Variants in PANK2 observed in about 807,000 individuals in gnomAD.
PANK2 encodes pantothenate kinase 2.
PANK2 carries 36 observed loss-of-function variants against 43.1 expected under a neutral mutation model. The ratio of observed to expected loss-of-function variants is 0.84; its 90% CI spans 0.64 to 1.10. The LOEUF (loss-of-function observed/expected upper bound fraction) is 1.10, where lower values mean the gene tolerates loss of function less well. Ranked by LOEUF, PANK2 falls within the 50% of genes least tolerant of loss-of-function variation. The pLI is 0.00. For synonymous variants in PANK2, 281 were observed against 238.2 expected, an observed-to-expected ratio of 1.18 and a Z score of -1.66; for missense variants, 576 against 593.3, an observed-to-expected ratio of 0.97 and a Z score of 0.30.
At chr20:3,895,308 TAAAC>T (rs921728783) in intron 1 of PANK2, among the ~76,000 whole-genome samples, 9 of 151,536 alleles carry the variant, frequency 5.9e-5, no homozygotes, top group Middle Eastern at 3.4e-3. Context: ...TAAATAATAA[TAAAC>T]AAATTAGCAG....
At chr20:3,908,591 T>C (rs2090423862) in intron 2 of PANK2, 3 of 296,066 alleles carry the variant, frequency 1.0e-5, no homozygotes, top group Non-Finnish European at 1.3e-5. Flanking sequence ...AACAATGAGA[T>C]TGAAATATAA....
chr20:3,889,580 G>C lies in PANK2; in HGVS notation c.150G>C (p.Gln50His). The change falls in exon 1 of 7, where the codon CAG (glutamine) becomes CAC (histidine). Residue 50 changes from glutamine (Q) to histidine (H), a missense_variant. Coordinates refer to ENST00000610179, the MANE Select transcript of PANK2 (RefSeq NM_001386393.1). ...CCGGGGACCCCGAAGGGCGGCGGCA[G>C]GAGCCACTGCGGCGCCGGGCGAGCA... 6.8e-7 allele frequency: 1 copy of C among 1,475,544 alleles called. No homozygotes were observed. The highest frequency in any genetic ancestry group is 8.9e-7 in the Non-Finnish European group (1 of 1,121,532). 91.4% of individuals were successfully genotyped at this position (1,475,544 alleles called of 1,614,324 possible).
intron 6 of PANK2, among the ~76,000 whole-genome samples, chr20:3,920,961 C>CT (rs2090637205): frequency 6.6e-6 from 1 of 152,210 alleles, no homozygotes; most frequent in Non-Finnish European, 1.5e-5. Flanking sequence ...CACTGCTTAG[C>CT]TTTGCTGGTC....
intron 1 of PANK2, among the ~76,000 whole-genome samples, chr20:3,897,504 C>T (rs1267585612): frequency 1.3e-5 from 2 of 151,630 alleles, no homozygotes. Context: ...AGTTTGAGAC[C>T]AGTCCGGGCA....
At position 3,929,296 on chromosome 20, in the gene PANK2, G is replaced by C. The variant is rs1442206351; in HGVS notation, c.*6002G>C. 6.6e-5 allele frequency: 10 copies of C among 152,278 alleles called. No homozygotes were observed. Among genetic ancestry groups the C allele is most frequent in the African/African-American group, 2.2e-4 (9 of 41,448 alleles). The allele number at this position is 152,278 out of a possible 1,614,324, so 9.4% of individuals were successfully genotyped here. On this transcript the variant is annotated 3_prime_UTR_variant, in exon 7 of 7. Coordinates refer to ENST00000610179, the MANE Select transcript of PANK2 (RefSeq NM_001386393.1). ...GTGTGCACCTGTAGACGCAGCTACA[G>C]ACTGAGGCGGGAGGATCACTTGAGT...
chr20:3,893,774 CG>C (rs2090159857), intron 1 of PANK2, among the ~76,000 whole-genome samples: 1 of 152,016 alleles, frequency 6.6e-6, no homozygotes, highest in Admixed American at 6.6e-5. Flanking sequence ...GAACTGGAGC[CG>C]GGGCCCTGTT....
chr20:3,902,620 T>C (rs2090319740), intron 1 of PANK2, among the ~76,000 whole-genome samples: 1 of 150,964 alleles, frequency 6.6e-6, no homozygotes, highest in African/African-American at 2.4e-5. Context: ...GGGGTCTGGC[T>C]GTGTTGTCCT....
At chr20:3,921,328 C>G (rs1340153519) in intron 6 of PANK2, 1 of 152,074 alleles carries the variant, frequency 6.6e-6, no homozygotes, top group African/African-American at 2.4e-5. Context: ...CTTGCCCTCA[C>G]ATTGAAGTCA....
Position 3,923,612 on chromosome 20 carries a change from C to G in PANK2, c.*318C>G. The G allele has an allele frequency of 4.7e-6, 2 of 427,636 alleles. No homozygotes were observed. Among genetic ancestry groups the G allele is most frequent in the South Asian group, 5.0e-5 (2 of 39,866 alleles). The allele number at this position is 427,636 out of a possible 1,614,324, so 26.5% of individuals were successfully genotyped here. A position where few individuals can be genotyped will look rare whatever the true frequency, so the allele number is the denominator to read the frequency against. On this transcript the variant is annotated 3_prime_UTR_variant, in exon 7 of 7. Transcript: ENST00000610179. ...GGAAGTGCTTCTGAAGAGAGCTGCT[C>G]TGTGTTCAGTTGACTGGTTTTGTGT...
chr20:3,909,392 G>A (rs1404422233), intron 2 of PANK2, among the ~76,000 whole-genome samples: 1 of 151,602 alleles, frequency 6.6e-6, no homozygotes, highest in African/African-American at 2.4e-5. Context: ...GATTCTGCCT[G>A]TTATTCTGCA....
In PANK2 at chr20:3,889,962, G is replaced by C. The variant is rs569589778; in HGVS notation, c.298+234G>C. On this transcript the variant is annotated intron_variant, in intron 1 of 6. Coordinates refer to ENST00000610179, the MANE Select transcript of PANK2 (RefSeq NM_001386393.1). ...GCACTTCCCGCTTGTTGGAGTGGAG[G>C]GCTTTTCCCCAGGACCTGTCCTCCC... 5.5e-4 allele frequency: 836 copies of C among 1,515,474 alleles called. 1 individual carries two copies. The highest frequency in any genetic ancestry group is 7.2e-4 in the Non-Finnish European group (811 of 1,131,840). The allele number at this position is 1,515,474 out of a possible 1,614,324, so 93.9% of individuals were successfully genotyped here.
At chr20:3,919,902 C>CT (rs2090621318) in intron 6 of PANK2, among the ~76,000 whole-genome samples, 2 of 152,066 alleles carry the variant, frequency 1.3e-5, no homozygotes, top group Admixed American at 6.6e-5. Flanking sequence ...TTAAGTTTTT[C>CT]TTTTTAAATT....
At chr20:3,897,727 C>G (rs941399028) in intron 1 of PANK2, among the ~76,000 whole-genome samples, 1 of 152,034 alleles carries the variant, frequency 6.6e-6, no homozygotes, top group Non-Finnish European at 1.5e-5. Context: ...AAAACAAAAC[C>G]TGGGTGCAGT....
In PANK2 at chr20:3,919,610, A is replaced by G. The variant is rs115267665; in HGVS notation, c.1332+814A>G. ...AAATGGAAAAGAATCAAATTGCTCA[A>G]CCTCATAGCCTGTCTTGGAAAGCAC... On this transcript the variant is annotated intron_variant, in intron 6 of 6. Coordinates refer to ENST00000610179, the MANE Select transcript of PANK2 (RefSeq NM_001386393.1). Among the ~76,000 whole-genome samples the G allele has an allele frequency of 5.0e-3, 756 of 152,274 alleles. 5 individuals carry two copies. Among genetic ancestry groups the G allele is most frequent in the African/African-American group, 0.018 (732 of 41,556 alleles).
chr20:3,889,135 A>C, upstream of PANK2: 4 of 1,563,258 alleles, frequency 2.6e-6, no homozygotes, highest in Non-Finnish European at 3.5e-6. Context: ...CCACGCGTCC[A>C]TTGGGCGGCG....
Position 3,914,487 on chromosome 20 carries a change from T to C in PANK2, c.1082+1853T>C, listed in dbSNP as rs115607957. Among the ~76,000 whole-genome samples, 814 of 152,004 alleles carry C rather than the reference T, an allele frequency of 5.4e-3. 7 individuals are homozygous for C. The highest frequency in any genetic ancestry group is 0.019 in the African/African-American group (778 of 41,518). On this transcript the variant is annotated intron_variant, in intron 4 of 6. Coordinates refer to ENST00000610179, the MANE Select transcript of PANK2 (RefSeq NM_001386393.1). Reference sequence around the variant, plus strand: ...TGCACTGCCTTGCCTAATTTTTTTTTTGTAGAGATAGGGTCTTGCTATGTT... The same window carrying C: ...TGCACTGCCTTGCCTAATTTTTTTTCTGTAGAGATAGGGTCTTGCTATGTT...
intron 1 of PANK2, 199 bp downstream of exon 1, chr20:3,889,927 C>G (rs1004747632): frequency 6.5e-7 from 1 of 1,531,596 alleles, no homozygotes; most frequent in African/African-American, 1.4e-5. Context: ...CCCCCCGCAC[C>G]CATTGGTATG....
intron 1 of PANK2, among the ~76,000 whole-genome samples, chr20:3,894,441 T>C (rs1016186760): frequency 4.6e-5 from 7 of 151,562 alleles, no homozygotes; most frequent in Non-Finnish European, 7.4e-5. Context: ...GGTTTCTCCA[T>C]GTTGGTCAGG....
intron 5 of PANK2, chr20:3,917,490 G>A (rs760769544): frequency 9.4e-6 from 5 of 534,706 alleles, no homozygotes; most frequent in African/African-American, 3.8e-5. Context: ...GCAGAGCTGC[G>A]TCTTTGTGCT....
Sources: allele counts gnomAD v4.1 joint callset (sites outside exome capture counted in the v4.1 genomes callset), GRCh38; gene constraint gnomAD v4.1.1; transcripts MANE v1.5; gene names NCBI Gene and HGNC (gene_info 2026-07-23, HGNC 2026-07-21).